EIF4G3: variants seen among roughly 807,000 people sequenced by gnomAD.
EIF4G3 encodes the protein eukaryotic translation initiation factor 4 gamma 3.
EIF4G3 carries 34 observed loss-of-function variants against 186.4 expected under a neutral mutation model. The ratio of observed to expected loss-of-function variants is 0.18; its 90% CI spans 0.14 to 0.24. EIF4G3 has a LOEUF of 0.24. EIF4G3 is among the 10% of genes least tolerant of loss of function. EIF4G3 has a pLI of 1.00. For synonymous variants in EIF4G3, 673 were observed against 679.5 expected (o/e 0.99, Z 0.15); for missense variants, 1,536 against 1,948.5 (o/e 0.79, Z 3.99).
intron 3 of EIF4G3, among the ~76,000 whole-genome samples, chr1:21,059,869 G>C (rs960393526): frequency 1.3e-5 from 2 of 152,170 alleles, no homozygotes; most frequent in African/African-American, 4.8e-5. Flanking sequence ...AAAAATAAAC[G>C]AATAAGAAAG....
At chr1:20,927,270 C>T (rs906516257) in intron 14 of EIF4G3, among the ~76,000 whole-genome samples, 3 of 151,932 alleles carry the variant, frequency 2.0e-5, no homozygotes, top group Non-Finnish European at 2.9e-5. Context: ...GGAAACAATG[C>T]AGGAATTAAC....
intron 20 of EIF4G3, among the ~76,000 whole-genome samples, chr1:20,871,378 C>T (rs140979560): frequency 2.6e-5 from 4 of 152,292 alleles, no homozygotes; most frequent in African/African-American, 9.6e-5. Context: ...GCAGCATCCT[C>T]ACCCCATACC....
chr1:21,025,825 A>T (rs527373442), intron 4 of EIF4G3, among the ~76,000 whole-genome samples: 2 of 152,350 alleles, frequency 1.3e-5, no homozygotes, highest in East Asian at 3.9e-4. Flanking sequence ...TGAAGAGAGC[A>T]GAGTCAACCC....
intron 30 of EIF4G3, among the ~76,000 whole-genome samples, chr1:20,839,355 C>T (rs1209101121): frequency 1.3e-5 from 2 of 152,120 alleles, no homozygotes; most frequent in African/African-American, 4.8e-5. Context: ...TCGTGATCTG[C>T]CCACCTCGGC....
intron 2 of EIF4G3, among the ~76,000 whole-genome samples, chr1:21,168,563 C>T (rs1158094053): frequency 1.3e-5 from 2 of 151,934 alleles, no homozygotes; most frequent in Non-Finnish European, 2.9e-5. Context: ...GCAGGGACTA[C>T]AGGCATGCAC....
chr1:21,135,362 G>A (rs1221238095), intron 2 of EIF4G3, among the ~76,000 whole-genome samples: 1 of 152,182 alleles, frequency 6.6e-6, no homozygotes, highest in East Asian at 1.9e-4. Context: ...AGCTGGCTGT[G>A]GTGGCGCATG....
At position 20,879,441 on chromosome 1, in the gene EIF4G3, C is replaced by T; in HGVS notation, c.2504G>A (p.Gly835Glu). ...CCGCTCCTCTGTGTCAACAGTAAGT[C>T]CTGACACTTGCTTCATCAGTTGATT... is the stretch of plus-strand genomic sequence containing the variant. ...MFNQLMKQVS[G>E]LTVDTEERLK... The change falls in exon 20 of 37, where the codon GGA (glycine) becomes GAA (glutamate). Residue 835 changes from glycine (G) to glutamate (E), a missense_variant. By Grantham distance (98) the Gly-to-Glu change is moderately conservative. Coordinates refer to ENST00000602326, the MANE Select transcript of EIF4G3 (RefSeq NM_001391906.1). 6.3e-7 allele frequency: 1 copy of T among 1,587,638 alleles called. No homozygotes were observed. The highest frequency in any genetic ancestry group is 8.6e-7 in the Non-Finnish European group (1 of 1,167,116).
intron 18 of EIF4G3, among the ~76,000 whole-genome samples, chr1:20,891,347 C>A (rs1030862057): frequency 9.2e-5 from 14 of 151,822 alleles, no homozygotes; most frequent in African/African-American, 3.1e-4. Flanking sequence ...ATGCTATTAT[C>A]CACAGAATAT....
intron 4 of EIF4G3, among the ~76,000 whole-genome samples, chr1:21,044,910 G>A (rs2093794687): frequency 6.6e-6 from 1 of 152,166 alleles, no homozygotes; most frequent in African/African-American, 2.4e-5. Flanking sequence ...CTGGAGGACT[G>A]TATGAGGCCA....
chr1:20,845,122 T>C (rs1339032886), intron 29 of EIF4G3, among the ~76,000 whole-genome samples: 2 of 152,188 alleles, frequency 1.3e-5, no homozygotes, highest in East Asian at 1.9e-4. Flanking sequence ...CCATCTTTAG[T>C]TGATTTTTGT....
chr1:20,806,557 TTTTG>T lies in EIF4G3; in HGVS notation c.*758_*761del, dbSNP rs1335309298. ...AAGAAATAGTACTGAGTCAATTTCT[TTTTG>T]TTTTTTTAAATATTTGTTCTATGTA... On this transcript the variant is annotated 3_prime_UTR_variant, in exon 37 of 37. Coordinates refer to ENST00000602326, the MANE Select transcript of EIF4G3 (RefSeq NM_001391906.1). 6.6e-6 allele frequency: 1 copy of T among 152,646 alleles called. No individual in the cohort carries two copies. The highest frequency in any genetic ancestry group is 1.5e-5 in the Non-Finnish European group (1 of 68,040). 9.5% of individuals were successfully genotyped at this position (152,646 alleles called of 1,614,324 possible). A position where few individuals can be genotyped will look rare whatever the true frequency, so the allele number is the denominator to read the frequency against.
At chr1:21,057,067 T>C (rs2094594515) in intron 3 of EIF4G3, among the ~76,000 whole-genome samples, 2 of 152,184 alleles carry the variant, frequency 1.3e-5, no homozygotes, top group African/African-American at 4.8e-5. Flanking sequence ...CTGGTAGAAA[T>C]GTAAACTGGT....
chr1:20,981,634 G>A lies in EIF4G3; in HGVS notation c.199-407C>T, dbSNP rs372322759. On this transcript the variant is annotated intron_variant, in intron 8 of 36. Coordinates refer to ENST00000602326, the MANE Select transcript of EIF4G3 (RefSeq NM_001391906.1). ...ACTGTATGTATACATACATGTATAC[G>A]CACATACTGTATGTATACATACATG... 3.7e-3 allele frequency among the ~76,000 whole-genome samples: 351 copies of A among 96,002 alleles called. 4 individuals carry two copies. Among genetic ancestry groups the A allele is most frequent in the African/African-American group, 0.011 (248 of 22,398 alleles). The allele number at this position is 96,002 out of a possible 152,430, so 63.0% of individuals were successfully genotyped here. A position where few individuals can be genotyped will look rare whatever the true frequency, so the allele number is the denominator to read the frequency against.
rs2098101286 is a variant in EIF4G3 at position 21,176,225 on chromosome 1, GACCGCTGCCGCCGCC to G, written c.-337_-323del. The G allele has an allele frequency of 2.4e-6, 1 of 415,010 alleles. No individual in the cohort carries two copies. Among genetic ancestry groups the G allele is most frequent in the East Asian group, 3.9e-5 (1 of 25,940 alleles). The allele number at this position is 415,010 out of a possible 1,614,324, so 25.7% of individuals were successfully genotyped here. A position where few individuals can be genotyped will look rare whatever the true frequency, so the allele number is the denominator to read the frequency against. On this transcript the variant is annotated 5_prime_UTR_variant, in exon 2 of 37. Transcript: ENST00000602326. ...CCCTGATGTTCGGGTGAGGAGGGGGGACCGCTGCCGCCGCCGCCGCCGCCGCCGCCGCCGCCGCCG... is the reference window on the plus strand; with the variant it reads ...CCCTGATGTTCGGGTGAGGAGGGGGGGCCGCCGCCGCCGCCGCCGCCGCCG...
intron 28 of EIF4G3, among the ~76,000 whole-genome samples, chr1:20,850,665 ACTT>A (rs371089181): frequency 6.6e-6 from 1 of 152,186 alleles, no homozygotes; most frequent in African/African-American, 2.4e-5. Flanking sequence ...ACGTGTATTA[ACTT>A]CTTATTTAAT....
At chr1:20,987,414 A>C (rs1484528412) in intron 7 of EIF4G3, among the ~76,000 whole-genome samples, 2 of 152,262 alleles carry the variant, frequency 1.3e-5, no homozygotes, top group African/African-American at 4.8e-5. Context: ...TAGATATTGC[A>C]TTCTTTACAA....
intron 19 of EIF4G3, among the ~76,000 whole-genome samples, chr1:20,885,076 G>A (rs2083674776): frequency 1.3e-5 from 2 of 152,248 alleles, no homozygotes; most frequent in East Asian, 1.9e-4. Context: ...AGAATCTGGG[G>A]CTGCCACTGA....
At chr1:20,986,744 CAAAAAAAAAAAA>C (rs61255473) in intron 7 of EIF4G3, among the ~76,000 whole-genome samples, 218 of 66,322 alleles carry the variant, frequency 3.3e-3, no homozygotes, top group Admixed American at 7.0e-3. Flanking sequence ...GCTCTGTCTC[CAAAAAAAAAAAA>C]AAAAAAAAAA....
intron 12 of EIF4G3, among the ~76,000 whole-genome samples, chr1:20,959,900 T>C (rs1166455247): frequency 1.3e-5 from 2 of 151,970 alleles, no homozygotes; most frequent in African/African-American, 4.8e-5. Context: ...GGCATGGATA[T>C]GGGGAAAAGG....
Sources: gnomAD v4.1 joint callset for allele counts (sites outside exome capture counted in the v4.1 genomes callset) on GRCh38, gnomAD v4.1.1 for gene constraint, MANE v1.5 for transcripts, NCBI Gene and HGNC (gene_info 2026-07-23, HGNC 2026-07-21) for gene names.